THTPA: variants seen among roughly 807,000 people sequenced by gnomAD.
THTPA encodes thiamine triphosphatase.
THTPA carries 16 observed loss-of-function variants against 16.5 expected under a neutral mutation model. That is an observed-to-expected ratio of 0.97 (90% CI 0.66 to 1.47). THTPA has a LOEUF of 1.47. THTPA is among the 40% of genes most tolerant of loss of function. The probability of loss-of-function intolerance (pLI) is 0.00; values close to 1 mark genes in which losing one functional copy is unlikely to be tolerated. For missense variants in THTPA, 281 were observed against 280.9 expected, an observed-to-expected ratio of 1.00 and a Z score of 0.00; for synonymous variants, 110 against 115.5, an observed-to-expected ratio of 0.95 and a Z score of 0.30.
intron 1 of THTPA, 115 bp from the exon 2 acceptor site, chr14:23,558,580 G>A: frequency 7.3e-7 from 1 of 1,375,520 alleles, no homozygotes; most frequent in South Asian, 1.3e-5. Flanking sequence ...GTGACATTCA[G>A]AACCCCAGTG....
At chr14:23,557,984 T>C (rs988946076) in intron 1 of THTPA, among the ~76,000 whole-genome samples, 26 of 152,248 alleles carry the variant, frequency 1.7e-4, no homozygotes, top group Admixed American at 1.6e-3. Context: ...ATTATAGTTA[T>C]GTGAGACAGT....
chr14:23,525,406 C>T, the THTPA span: 10 of 1,535,998 alleles, frequency 6.5e-6, no homozygotes, highest in Non-Finnish European at 8.7e-6. This position sits in a 1 kb window ranked among gnomAD's most constrained non-coding sequence, Gnocchi z 5.9. Context: ...CATAACGGCT[C>T]AGGGCTTCAA....
At chr14:23,554,406 G>A (rs1882189022), upstream of THTPA, among the ~76,000 whole-genome samples, 1 of 152,106 alleles carries the variant, frequency 6.6e-6, no homozygotes, top group South Asian at 2.1e-4. Context: ...ACAGGGTCTT[G>A]CTCTGTTGCC....
the THTPA span, chr14:23,548,549 C>T: frequency 1.3e-5 from 2 of 152,232 alleles, no homozygotes; most frequent in African/African-American, 4.8e-5. Flanking sequence ...ACATCAGAGG[C>T]TTGAGGTCTT....
chr14:23,512,701 A>T, the THTPA span: 72 of 151,004 alleles, frequency 4.8e-4, no homozygotes, highest in African/African-American at 1.7e-3. Context: ...GTTGCTTTAA[A>T]AAATATATAT....
At chr14:23,529,631 C>T in the THTPA span, 357 of 1,332,638 alleles carry the variant, frequency 2.7e-4, 9 homozygotes, top group South Asian at 3.7e-3. Flanking sequence ...GACAAAATTA[C>T]GTCTGCCTTT....
the THTPA span, chr14:23,526,220 G>A: frequency 1.2e-5 from 18 of 1,536,280 alleles, no homozygotes; most frequent in Non-Finnish European, 1.4e-5. Flanking sequence ...TGTGGCAGCA[G>A]TGGTGGTGGG....
At chr14:23,519,103 C>T in the THTPA span, among the ~76,000 whole-genome samples, 17 of 151,976 alleles carry the variant, frequency 1.1e-4, no homozygotes, top group Admixed American at 6.6e-4. Context: ...TGGGACCGCA[C>T]GTGGTATTGC....
intron 1 of THTPA, among the ~76,000 whole-genome samples, chr14:23,557,827 T>C (rs1882631379): frequency 6.6e-6 from 1 of 152,214 alleles, no homozygotes; most frequent in African/African-American, 2.4e-5. Flanking sequence ...AAAGCTGCCC[T>C]CTGGGAGGCT....
the THTPA span, chr14:23,522,994 C>A: frequency 7.0e-7 from 1 of 1,424,128 alleles, no homozygotes; most frequent in Non-Finnish European, 9.1e-7. Context: ...TCCCATCATT[C>A]TTCCTGCCAT....
the THTPA span, among the ~76,000 whole-genome samples, chr14:23,535,670 G>A: frequency 6.6e-6 from 1 of 151,802 alleles, no homozygotes; most frequent in East Asian, 1.9e-4. The surrounding 1 kb of genome is among the most constrained non-coding windows in gnomAD (Gnocchi z 4.5). Context: ...TCGGCTCACC[G>A]CAACCTCCAC....
At chr14:23,512,184 G>A in the THTPA span, among the ~76,000 whole-genome samples, 1 of 152,242 alleles carries the variant, frequency 6.6e-6, no homozygotes, top group African/African-American at 2.4e-5. Context: ...GGGCTGGGGA[G>A]CTGGGGTGCA....
chr14:23,529,900 A>C, the THTPA span: 2 of 1,027,296 alleles, frequency 1.9e-6, no homozygotes, highest in East Asian at 2.6e-5. Flanking sequence ...GAGGCTTGGC[A>C]AGGGCTGACT....
the THTPA span, chr14:23,526,577 G>A: frequency 1.2e-5 from 19 of 1,535,722 alleles, no homozygotes; most frequent in Non-Finnish European, 1.5e-5. Context: ...TGGAGAAGGG[G>A]GTTGGCCAGG....
At chr14:23,547,088 CTG>C in the THTPA span, among the ~76,000 whole-genome samples, 1 of 152,214 alleles carries the variant, frequency 6.6e-6, no homozygotes, top group Non-Finnish European at 1.5e-5. Flanking sequence ...AGATTTTGCT[CTG>C]AGAGTTGTGG....
the THTPA span, chr14:23,534,217 G>A: frequency 2.7e-6 from 4 of 1,505,162 alleles, no homozygotes; most frequent in South Asian, 5.1e-5. The surrounding 1 kb of genome is among the most constrained non-coding windows in gnomAD (Gnocchi z 4.5). Context: ...ATCTGGCCCT[G>A]CCTCGCCTGC....
the THTPA span, chr14:23,524,378 G>T: frequency 2.6e-6 from 4 of 1,536,226 alleles, no homozygotes; most frequent in Non-Finnish European, 8.7e-7. The surrounding 1 kb of genome is among the most constrained non-coding windows in gnomAD (Gnocchi z 5.6). Flanking sequence ...CTTGTCCCTG[G>T]GGGGCTCGCC....
the THTPA span, among the ~76,000 whole-genome samples, chr14:23,547,085 GCT>G: frequency 6.6e-6 from 1 of 152,202 alleles, no homozygotes; most frequent in Non-Finnish European, 1.5e-5. Context: ...TGCAGATTTT[GCT>G]CTGAGAGTTG....
In THTPA at chr14:23,560,034, AC is replaced by A. The variant is rs1374157614; in HGVS notation, c.*1195del. 1.3e-5 allele frequency: 20 copies of A among 1,599,528 alleles called. No individual in the cohort carries two copies. The South Asian group carries it at 1.3e-4, about 11-fold the overall frequency. On this transcript the variant is annotated 3_prime_UTR_variant, in exon 2 of 2. Transcript: ENST00000288014. ...TGGGGGCCTGCAGCTGCAGCTGGAG[AC>A]TCTGAACACAGGAGTTTAACAGAGC...
Sources: gnomAD v4.1 joint callset for allele counts (sites outside exome capture counted in the v4.1 genomes callset) on GRCh38, gnomAD v4.1.1 for gene constraint, Gnocchi (gnomAD v3.1) non-coding constraint, MANE v1.5 for transcripts, NCBI Gene and HGNC (gene_info 2026-07-23, HGNC 2026-07-21) for gene names.